EPHA6: variants seen among roughly 807,000 people sequenced by gnomAD.
EPHA6 encodes the protein ephrin type-A receptor 6.
EPHA6 carries 50 observed loss-of-function variants against 112.0 expected under a neutral mutation model. The observed-to-expected ratio is 0.45, with a 90% CI of 0.36 to 0.56. The LOEUF is 0.56. Ranked by LOEUF, EPHA6 falls within the 20% of genes least tolerant of loss-of-function variation. The pLI, the probability that EPHA6 is intolerant of heterozygous loss-of-function variation, is 0.00. For missense variants in EPHA6, 1,280 were observed against 1,417.4 expected, an observed-to-expected ratio of 0.90 and a Z score of 1.56; for synonymous variants, 529 against 490.7, an observed-to-expected ratio of 1.08 and a Z score of -1.03.
At chr3:96,940,277 G>T (rs764153031) in intron 2 of EPHA6, among the ~76,000 whole-genome samples, 1 of 151,872 alleles carries the variant, frequency 6.6e-6, no homozygotes, top group Non-Finnish European at 1.5e-5. Flanking sequence ...TTATGAATCT[G>T]GGTGCTCCTG....
At chr3:97,627,998 C>T (rs2093873028) in intron 13 of EPHA6, among the ~76,000 whole-genome samples, 1 of 151,912 alleles carries the variant, frequency 6.6e-6, no homozygotes. Flanking sequence ...GACTTTGACT[C>T]TTCTCTGAGT....
intron 5 of EPHA6, among the ~76,000 whole-genome samples, chr3:97,363,181 TATATATATATATATATA>T (rs2084476104): frequency 4.1e-4 from 1 of 2,416 alleles, no homozygotes; most frequent in Non-Finnish European, 1.0e-3. Flanking sequence ...AATATATATA[TATATATATATATATATA>T]TATATATATA....
chr3:97,415,614 T>A (rs559023611), intron 6 of EPHA6, among the ~76,000 whole-genome samples: 21 of 152,198 alleles, frequency 1.4e-4, no homozygotes, highest in African/African-American at 5.1e-4. Context: ...TACTACCAGT[T>A]TTTTACAGTC....
chr3:97,456,199 T>A (rs937677728), intron 7 of EPHA6, among the ~76,000 whole-genome samples: 4 of 152,130 alleles, frequency 2.6e-5, no homozygotes, highest in African/African-American at 9.7e-5. Flanking sequence ...TAAACCATCA[T>A]CCCTTGACTG....
chr3:97,541,780 A>G (rs1175162203), intron 11 of EPHA6, among the ~76,000 whole-genome samples: 1 of 136,370 alleles, frequency 7.3e-6, no homozygotes, highest in African/African-American at 2.9e-5. Flanking sequence ...GTTGTTTTTA[A>G]TTTTTAAAAA....
chr3:97,025,523 G>T (rs553469917), intron 3 of EPHA6, among the ~76,000 whole-genome samples: 1 of 152,220 alleles, frequency 6.6e-6, no homozygotes, highest in Middle Eastern at 3.4e-3. Flanking sequence ...TGTTGCAATT[G>T]CTTTCAGTGT....
At chr3:97,418,098 A>T (rs567504883) in intron 6 of EPHA6, among the ~76,000 whole-genome samples, 1 of 152,002 alleles carries the variant, frequency 6.6e-6, no homozygotes, top group Admixed American at 6.6e-5. Flanking sequence ...GAAAAAGATA[A>T]GAAGAATAAG....
Position 97,631,085 on chromosome 3 carries a change from C to T in EPHA6, c.2575-6788C>T, listed in dbSNP as rs554882884. Among the ~76,000 whole-genome samples the T allele has an allele frequency of 2.6e-5, 4 of 152,048 alleles. 1 individual carries two copies. Among genetic ancestry groups the T allele is most frequent in the Non-Finnish European group, 1.5e-5 (1 of 67,922 alleles). ...ATTCTAATTCCTCCAGATGATTTTT[C>T]ATCTTTTACTGCATTTGTAAACCCC... On this transcript the variant is annotated intron_variant, in intron 13 of 17. Transcript: ENST00000389672.
intron 7 of EPHA6, among the ~76,000 whole-genome samples, chr3:97,458,338 T>G (rs190647529): frequency 4.2e-4 from 64 of 152,264 alleles, no homozygotes; most frequent in Admixed American, 1.5e-3. Context: ...AAACTGAATT[T>G]CATATTCTCT....
chr3:96,903,189 G>C (rs2038714306), intron 2 of EPHA6, among the ~76,000 whole-genome samples: 2 of 152,086 alleles, frequency 1.3e-5, no homozygotes, highest in African/African-American at 4.8e-5. Context: ...CTTGGGAGAG[G>C]TGTAATATAG....
intron 5 of EPHA6, among the ~76,000 whole-genome samples, chr3:97,392,782 A>G (rs1272366716): frequency 6.6e-6 from 1 of 151,660 alleles, no homozygotes; most frequent in Non-Finnish European, 1.5e-5. Flanking sequence ...ATGACTTGTC[A>G]TATTATTTTA....
rs189498323 is a variant in EPHA6, at chr3:96,977,430, C to T, written c.451-9900C>T. ...CTTAATGGTGCAATGTACATTATTC[C>T]GGTGATGAGTACACTAAAGCCCTGA... is the stretch of plus-strand genomic sequence containing the variant. On this transcript the variant is annotated intron_variant, in intron 2 of 17. Coordinates refer to ENST00000389672, the MANE Select transcript of EPHA6 (RefSeq NM_001080448.3). 7.4e-4 allele frequency among the ~76,000 whole-genome samples: 113 copies of T among 152,070 alleles called. No homozygotes were observed. The Middle Eastern group carries it at 0.014, about 18-fold the overall frequency.
At chr3:96,987,199 A>G (rs2043054188) in intron 2 of EPHA6, 131 bp from the exon 3 acceptor site, 3 of 755,092 alleles carry the variant, frequency 4.0e-6, no homozygotes, top group South Asian at 2.0e-5. Flanking sequence ...TTCCATTGAT[A>G]CTTTGAGTAG....
intron 5 of EPHA6, among the ~76,000 whole-genome samples, chr3:97,286,450 A>G (rs1202250747): frequency 6.6e-6 from 1 of 152,160 alleles, no homozygotes; most frequent in East Asian, 1.9e-4. Flanking sequence ...TTCATTTTGC[A>G]TAAGGATATC....
intron 3 of EPHA6, among the ~76,000 whole-genome samples, chr3:97,117,504 T>TA (rs2047923641): frequency 6.6e-6 from 1 of 151,766 alleles, no homozygotes; most frequent in Non-Finnish European, 1.5e-5. Context: ...TATTGAGTGA[T>TA]ATAAGTGACT....
intron 5 of EPHA6, among the ~76,000 whole-genome samples, chr3:97,250,378 G>C (rs775099566): frequency 6.6e-6 from 1 of 152,100 alleles, no homozygotes; most frequent in Non-Finnish European, 1.5e-5. Context: ...TTTTAGAGTC[G>C]TCAGCTGTGT....
rs779501751 is a variant in EPHA6 at position 97,226,241 on chromosome 3, AGT to A, written c.1115-20_1115-19del. On this transcript the variant is annotated intron_variant, in intron 3 of 17. Coordinates refer to ENST00000389672, the MANE Select transcript of EPHA6 (RefSeq NM_001080448.3). ...GAATCCTAGCAATAATAACTAAAAA[AGT>A]GTTTTTTTCTCTTTTTACAGCTTGC... 4.4e-6 allele frequency: 7 copies of A among 1,577,398 alleles called. 1 individual carries two copies. Among genetic ancestry groups the A allele is most frequent in the South Asian group, 2.3e-5 (2 of 85,152 alleles).
Position 96,974,662 on chromosome 3 carries a change from G to C in EPHA6, c.451-12668G>C, listed in dbSNP as rs562319902. 2.6e-4 allele frequency among the ~76,000 whole-genome samples: 39 copies of C among 152,096 alleles called. No homozygotes were observed. In the East Asian group the frequency reaches 7.4e-3, roughly 29 times the overall value. On this transcript the variant is annotated intron_variant, in intron 2 of 17. Coordinates refer to ENST00000389672, the MANE Select transcript of EPHA6 (RefSeq NM_001080448.3). ...ATGTCCTGGATAAATAGAACAGAGA[G>C]ACTCATTTTGTCTTATGTTCATTTT...
chr3:96,978,887 T>C (rs2042637546), intron 2 of EPHA6, among the ~76,000 whole-genome samples: 1 of 152,192 alleles, frequency 6.6e-6, no homozygotes, highest in Non-Finnish European at 1.5e-5. Context: ...CTGAATGTAT[T>C]TGTAAATAAG....
Sources: allele counts gnomAD v4.1 joint callset (sites outside exome capture counted in the v4.1 genomes callset), GRCh38; gene constraint gnomAD v4.1.1; transcripts MANE v1.5; gene names NCBI Gene and HGNC (gene_info 2026-07-23, HGNC 2026-07-21).